Variants in ZSCAN5A observed in about 807,000 individuals in gnomAD.
ZSCAN5A encodes the protein zinc finger and SCAN domain containing 5A.
A neutral mutation model predicts 23.7 loss-of-function variants in ZSCAN5A; 12 were observed. The ratio of observed to expected loss-of-function variants is 0.51; its 90% CI spans 0.32 to 0.82. ZSCAN5A has a LOEUF of 0.82. Among genes scored for constraint, ZSCAN5A ranks in the 40% least tolerant of loss-of-function variants. The probability of loss-of-function intolerance (pLI) is 0.03; values close to 1 mark genes in which losing one functional copy is unlikely to be tolerated. For synonymous variants in ZSCAN5A, 257 were observed against 239.9 expected (o/e 1.07, Z -0.66); for missense variants, 597 against 617.9 (o/e 0.97, Z 0.36).
chr19:56,297,264 C>T (rs556864897), intron 2 of ZSCAN5A, among the ~76,000 whole-genome samples: 1 of 152,066 alleles, frequency 6.6e-6, no homozygotes, highest in Non-Finnish European at 1.5e-5. Context: ...TCTCTTCTCT[C>T]CTCATTCGAG....
intron 2 of ZSCAN5A, chr19:56,310,108 C>T (rs1292143022): frequency 6.6e-6 from 1 of 152,280 alleles, no homozygotes; most frequent in African/African-American, 2.4e-5. Flanking sequence ...AAATACATTT[C>T]TCTCTCCTTT....
chr19:56,303,292 A>G (rs2040468199), intron 2 of ZSCAN5A, among the ~76,000 whole-genome samples: 1 of 152,024 alleles, frequency 6.6e-6, no homozygotes, highest in Admixed American at 6.6e-5. Context: ...AGCCTGGTCA[A>G]CATGGTGAAA....
At chr19:56,245,311 G>A (rs529235759) in intron 2 of ZSCAN5A, 21 of 742,290 alleles carry the variant, frequency 2.8e-5, no homozygotes, top group East Asian at 1.0e-4. Flanking sequence ...GAGATGATCC[G>A]AGAGGCGTGT....
At chr19:56,249,341 G>A (rs1392341364) in intron 2 of ZSCAN5A, among the ~76,000 whole-genome samples, 3 of 152,196 alleles carry the variant, frequency 2.0e-5, no homozygotes, top group East Asian at 3.9e-4. Context: ...GCGCAATCTC[G>A]GCTCACCCCA....
chr19:56,268,091 G>A (rs1179473737), intron 2 of ZSCAN5A, among the ~76,000 whole-genome samples: 1 of 152,194 alleles, frequency 6.6e-6, no homozygotes, highest in Non-Finnish European at 1.5e-5. Context: ...GTGGGGGACA[G>A]AAGACTCCAA....
chr19:56,293,822 T>A (rs1209300488), intron 2 of ZSCAN5A, among the ~76,000 whole-genome samples: 1 of 151,878 alleles, frequency 6.6e-6, no homozygotes, highest in Non-Finnish European at 1.5e-5. Flanking sequence ...TTGCTACACA[T>A]CCTACAATGC....
intron 2 of ZSCAN5A, among the ~76,000 whole-genome samples, chr19:56,292,705 A>G (rs2039601266): frequency 6.6e-6 from 1 of 152,100 alleles, no homozygotes. Context: ...AGTACCCATT[A>G]AACAGTCAGT....
chr19:56,325,349 G>A (rs1383037354), intron 2 of ZSCAN5A, among the ~76,000 whole-genome samples: 3 of 152,058 alleles, frequency 2.0e-5, no homozygotes, highest in Non-Finnish European at 1.5e-5. Flanking sequence ...CTAATGTCCC[G>A]CTTTATGGGA....
intron 2 of ZSCAN5A, among the ~76,000 whole-genome samples, chr19:56,330,885 C>T (rs1272893541): frequency 1.3e-5 from 2 of 152,076 alleles, no homozygotes; most frequent in Non-Finnish European, 2.9e-5. Flanking sequence ...TTTCCAAAGC[C>T]AATCTTCAGA....
At position 56,289,903 on chromosome 19, in the gene ZSCAN5A, C is replaced by G. The variant is rs568148898; in HGVS notation, c.-128+23380G>C. ...TGCTGGGATTACAGGCAGGAGCCAC[C>G]ACTTCTGACCCTCACAAATGTTTCT... On this transcript the variant is annotated intron_variant, in intron 2 of 5. Transcript: ENST00000683990. Among the ~76,000 whole-genome samples, 3 of 152,296 alleles carry G rather than the reference C, an allele frequency of 2.0e-5. No homozygotes were observed. The East Asian group carries it at 5.8e-4, about 29-fold the overall frequency.
At chr19:56,333,664 C>T (rs1419463363) in intron 2 of ZSCAN5A, among the ~76,000 whole-genome samples, 1 of 151,914 alleles carries the variant, frequency 6.6e-6, no homozygotes, top group Non-Finnish European at 1.5e-5. Context: ...AAGTATATAC[C>T]TAGTGACATT....
intron 2 of ZSCAN5A, among the ~76,000 whole-genome samples, chr19:56,235,550 T>G (rs375527293): frequency 1.8e-3 from 63 of 34,390 alleles, no homozygotes; most frequent in East Asian, 4.6e-3. Context: ...AGCCTCTGAT[T>G]GACCGTGGGC....
intron 2 of ZSCAN5A, among the ~76,000 whole-genome samples, chr19:56,259,751 A>G (rs1184810396): frequency 1.3e-5 from 2 of 152,258 alleles, no homozygotes; most frequent in Non-Finnish European, 2.9e-5. Context: ...AGGCAGGTGA[A>G]CTGCTTGAGT....
chr19:56,236,845 T>G (rs10416110), intron 2 of ZSCAN5A, among the ~76,000 whole-genome samples: 56,105 of 128,682 alleles, frequency 0.44, 11,270 homozygotes, highest in South Asian at 0.55. Context: ...AACCTCTGAT[T>G]GACCGTGGGC....
intron 1 of ZSCAN5A, chr19:56,365,136 T>C (rs1230030456): frequency 6.6e-6 from 1 of 152,230 alleles, no homozygotes; most frequent in Admixed American, 6.5e-5. Flanking sequence ...TTTAAAGTCA[T>C]GGTTTGGCCC....
At chr19:56,222,927 C>G (rs1403181096) in intron 4 of ZSCAN5A, among the ~76,000 whole-genome samples, 186 bp from the exon 5 acceptor site, 1 of 152,150 alleles carries the variant, frequency 6.6e-6, no homozygotes, top group East Asian at 1.9e-4. Context: ...TGTGTCTGTC[C>G]CTAATCTGCA....
intron 2 of ZSCAN5A, among the ~76,000 whole-genome samples, chr19:56,298,914 A>G (rs1258012977): frequency 6.6e-6 from 1 of 152,224 alleles, no homozygotes; most frequent in African/African-American, 2.4e-5. Context: ...AATCTTCCTC[A>G]TAAATATAGA....
intron 2 of ZSCAN5A, chr19:56,274,779 G>C (rs1350705651): frequency 6.6e-6 from 1 of 151,856 alleles, no homozygotes; most frequent in Non-Finnish European, 1.5e-5. Context: ...GTTTTGTTTT[G>C]TTTTGTTTTG....
chr19:56,319,515 A>G (rs2041352898), upstream of ZSCAN5A, among the ~76,000 whole-genome samples: 4 of 151,720 alleles, frequency 2.6e-5, no homozygotes, highest in Non-Finnish European at 4.4e-5. Context: ...AAAAAAAAAA[A>G]AAAAGAATTT....
Sources: gnomAD v4.1 joint callset for allele counts (sites outside exome capture counted in the v4.1 genomes callset) on GRCh38, gnomAD v4.1.1 for gene constraint, MANE v1.5 for transcripts, NCBI Gene and HGNC (gene_info 2026-07-23, HGNC 2026-07-21) for gene names.